ROR2: variants seen among roughly 807,000 people sequenced by gnomAD.
The protein encoded by ROR2 is ROR family WNT receptor 2, also known as tyrosine-protein kinase transmembrane receptor ROR2.
In ROR2, 33 loss-of-function variants were observed where a neutral mutation model predicts 74.9. That is an observed-to-expected ratio of 0.44 (90% confidence interval 0.33 to 0.59). The LOEUF (loss-of-function observed/expected upper bound fraction) is 0.59, where lower values mean the gene tolerates loss of function less well. Among genes scored for constraint, ROR2 ranks in the 20% least tolerant of loss-of-function variants. The pLI, the probability that ROR2 is intolerant of heterozygous loss-of-function variation, is 0.02. For missense variants in ROR2, 1,216 were observed against 1,313.8 expected (o/e 0.93, Z 1.15); for synonymous variants, 586 against 558.7 (o/e 1.05, Z -0.69).
At chr9:91,895,660 A>G (rs1256207817) in intron 1 of ROR2, among the ~76,000 whole-genome samples, 1 of 152,222 alleles carries the variant, frequency 6.6e-6, no homozygotes, top group Non-Finnish European at 1.5e-5. Context: ...CCTGGCCAAC[A>G]TGGTGAAACC....
chr9:91,895,825 C>T (rs1240809703), intron 1 of ROR2, among the ~76,000 whole-genome samples: 1 of 152,200 alleles, frequency 6.6e-6, no homozygotes, highest in Non-Finnish European at 1.5e-5. Flanking sequence ...GCCTGGGCGG[C>T]TGAGCGAGAC....
intron 1 of ROR2, among the ~76,000 whole-genome samples, chr9:91,794,721 A>G (rs1184297723): frequency 2.0e-5 from 3 of 152,188 alleles, no homozygotes; most frequent in Non-Finnish European, 4.4e-5. Context: ...TTTCAATTAA[A>G]AAAAAAACTA....
intron 1 of ROR2, among the ~76,000 whole-genome samples, chr9:91,899,174 G>C (rs909758510): frequency 4.6e-5 from 7 of 152,210 alleles, no homozygotes; most frequent in African/African-American, 1.7e-4. Flanking sequence ...GGGCCCCCAG[G>C]GGGTGCGGGG....
intron 1 of ROR2, among the ~76,000 whole-genome samples, chr9:91,866,298 T>C (rs988696101): frequency 6.6e-6 from 1 of 151,976 alleles, no homozygotes; most frequent in Admixed American, 6.5e-5. Context: ...TTTTATATTT[T>C]TAGTAGAGAC....
chr9:91,903,305 C>G (rs1342247440), intron 1 of ROR2, among the ~76,000 whole-genome samples: 1 of 151,998 alleles, frequency 6.6e-6, no homozygotes, highest in Non-Finnish European at 1.5e-5. Context: ...GTCTCAGATG[C>G]CCACACCCCA....
intron 4 of ROR2, among the ~76,000 whole-genome samples, chr9:91,755,597 C>T (rs1825724094): frequency 6.6e-6 from 1 of 152,214 alleles, no homozygotes; most frequent in Non-Finnish European, 1.5e-5. Flanking sequence ...GGAGTGTGAG[C>T]CTGGCTGTGA....
At chr9:91,907,932 C>T (rs539628033) in intron 1 of ROR2, among the ~76,000 whole-genome samples, 2 of 152,238 alleles carry the variant, frequency 1.3e-5, no homozygotes, top group East Asian at 3.9e-4. Context: ...CAGGTGGGCA[C>T]AGGGCAAGGG....
intron 1 of ROR2, among the ~76,000 whole-genome samples, chr9:91,888,042 G>A (rs1211692014): frequency 1.3e-5 from 2 of 151,904 alleles, no homozygotes; most frequent in East Asian, 3.9e-4. Flanking sequence ...TGCCCGCCTC[G>A]GCCTCCCAAA....
intron 1 of ROR2, chr9:91,948,489 A>T: frequency 1.2e-6 from 1 of 807,260 alleles, no homozygotes; most frequent in Non-Finnish European, 1.5e-6. Flanking sequence ...ATGCACAGTG[A>T]GATAAACGCA....
At chr9:91,832,416 C>T (rs1329101707) in intron 1 of ROR2, among the ~76,000 whole-genome samples, 4 of 143,586 alleles carry the variant, frequency 2.8e-5, no homozygotes, top group Middle Eastern at 3.6e-3. Context: ...CTACCCATGA[C>T]GGCCAGGGTC....
chr9:91,830,851 T>C (rs1828447084), intron 1 of ROR2, among the ~76,000 whole-genome samples: 1 of 149,966 alleles, frequency 6.7e-6, no homozygotes, highest in African/African-American at 2.5e-5. Context: ...TGTGTGTGTG[T>C]GTGTAGAGAA....
chr9:91,879,171 C>T (rs1004514001), intron 1 of ROR2, among the ~76,000 whole-genome samples: 11 of 151,886 alleles, frequency 7.2e-5, no homozygotes, highest in African/African-American at 2.4e-4. Flanking sequence ...CATCACCAAA[C>T]GGACATAGGG....
At chr9:91,760,325 G>C (rs894719838) in intron 2 of ROR2, among the ~76,000 whole-genome samples, 1 of 152,178 alleles carries the variant, frequency 6.6e-6, no homozygotes, top group African/African-American at 2.4e-5. Context: ...ACTGAAGTAC[G>C]TTTGGACATT....
At chr9:91,892,269 C>T (rs771681963) in intron 1 of ROR2, among the ~76,000 whole-genome samples, 1 of 152,190 alleles carries the variant, frequency 6.6e-6, no homozygotes, top group Non-Finnish European at 1.5e-5. Flanking sequence ...GGGTAGGGCC[C>T]TAGGTAAGTG....
Position 91,733,551 on chromosome 9 carries a change from C to G in ROR2, c.623-115G>C. ...ACTGCCCACTCAGCCCCCTGATGCC[C>G]CGCCCCGCCCCAGACTCCCCAACCC... On this transcript the variant is annotated intron_variant, in intron 5 of 8. Coordinates refer to ENST00000375708, the MANE Select transcript of ROR2 (RefSeq NM_004560.4). The surrounding 1 kb of genome is among the most constrained non-coding windows in gnomAD (Gnocchi z 5.7). The G allele has an allele frequency of 8.6e-7, 1 of 1,166,872 alleles. No individual in the cohort carries two copies. The highest frequency in any genetic ancestry group is 1.2e-6 in the Non-Finnish European group (1 of 830,372). 72.3% of individuals were successfully genotyped at this position (1,166,872 alleles called of 1,614,324 possible). A position where few individuals can be genotyped will look rare whatever the true frequency, so the allele number is the denominator to read the frequency against.
In ROR2 at chr9:91,902,331, G is replaced by A. The variant is rs551077289; in HGVS notation, c.97+47536C>T. On this transcript the variant is annotated intron_variant, in intron 1 of 8. Coordinates refer to ENST00000375708, the MANE Select transcript of ROR2 (RefSeq NM_004560.4). Reference sequence around the variant, plus strand: ...ACAAAATGAAGTAAACTTCCCCTTCGCTGTCAGGGTCTTTTCCCTTCTTTC... The same window carrying A: ...ACAAAATGAAGTAAACTTCCCCTTCACTGTCAGGGTCTTTTCCCTTCTTTC... 1.4e-4 allele frequency among the ~76,000 whole-genome samples: 21 copies of A among 151,902 alleles called. No individual in the cohort carries two copies. In the South Asian group the frequency reaches 3.6e-3, roughly 26 times the overall value.
At position 91,905,512 on chromosome 9, in the gene ROR2, C is replaced by A. The variant is rs1377469539; in HGVS notation, c.97+44355G>T. On this transcript the variant is annotated intron_variant, in intron 1 of 8. Transcript: ENST00000375708. The surrounding 1 kb of genome is among the most constrained non-coding windows in gnomAD (Gnocchi z 5.3). ...ATACCACATACACGACATACACAGA[C>A]ATCACACACTACACACAACCCAACA... 6.6e-6 allele frequency among the ~76,000 whole-genome samples: 1 copy of A among 151,922 alleles called. No homozygotes were observed. The highest frequency in any genetic ancestry group is 1.5e-5 in the Non-Finnish European group (1 of 67,992).
chr9:91,828,901 A>T (rs1212514572), intron 1 of ROR2, among the ~76,000 whole-genome samples: 1 of 152,204 alleles, frequency 6.6e-6, no homozygotes, highest in Non-Finnish European at 1.5e-5. Flanking sequence ...TACATCATTA[A>T]TGTTTGCTTT....
chr9:91,883,666 G>A (rs146176844), intron 1 of ROR2, among the ~76,000 whole-genome samples: 15 of 152,220 alleles, frequency 9.9e-5, no homozygotes, highest in African/African-American at 3.6e-4. Context: ...GAATTTGATG[G>A]ACAAGAGGCC....
Sources: allele counts gnomAD v4.1 joint callset (sites outside exome capture counted in the v4.1 genomes callset), GRCh38; gene constraint gnomAD v4.1.1; non-coding constraint Gnocchi (gnomAD v3.1); transcripts MANE v1.5; gene names NCBI Gene and HGNC (gene_info 2026-07-23, HGNC 2026-07-21).